The following ATP13A4 variants were observed in gnomAD, a reference collection of about 807,000 sequenced individuals.
ATP13A4 encodes ATPase 13A4, also known as probable cation-transporting ATPase 13A4.
ATP13A4 carries 114 observed loss-of-function variants against 142.5 expected under a neutral mutation model. The ratio of observed to expected loss-of-function variants is 0.80; its 90% confidence interval spans 0.69 to 0.93. The LOEUF is 0.93. Among genes scored for constraint, ATP13A4 ranks in the 40% least tolerant of loss-of-function variants. The pLI, the probability that ATP13A4 is intolerant of heterozygous loss-of-function variation, is 0.00. For missense variants in ATP13A4, 1,392 were observed against 1,454.0 expected (o/e 0.96, Z 0.69); for synonymous variants, 488 against 514.8 (o/e 0.95, Z 0.70).
intron 1 of ATP13A4, among the ~76,000 whole-genome samples, chr3:193,544,689 T>C (rs1478603343): frequency 2.0e-5 from 3 of 152,208 alleles, no homozygotes; most frequent in Admixed American, 1.3e-4. Flanking sequence ...TTAAGACTTA[T>C]ACAAAAAGGG....
intron 1 of ATP13A4, among the ~76,000 whole-genome samples, chr3:193,530,166 T>C (rs1252892783): frequency 6.6e-6 from 1 of 152,242 alleles, no homozygotes; most frequent in Non-Finnish European, 1.5e-5. Flanking sequence ...GCTTGCCCTA[T>C]GCTTTCTCAC....
At chr3:193,411,724 T>G (rs1323269504) in intron 27 of ATP13A4, among the ~76,000 whole-genome samples, 1 of 152,186 alleles carries the variant, frequency 6.6e-6, no homozygotes, top group Non-Finnish European at 1.5e-5. Context: ...AGAGCCTCCA[T>G]AACCCTCTCT....
chr3:193,584,463 G>A (rs1348446904), intron 1 of ATP13A4, among the ~76,000 whole-genome samples: 1 of 152,064 alleles, frequency 6.6e-6, no homozygotes, highest in Non-Finnish European at 1.5e-5. Flanking sequence ...ACTAATTTGG[G>A]GTAATTTGTT....
upstream of ATP13A4, among the ~76,000 whole-genome samples, chr3:193,556,762 C>G (rs952329852): frequency 6.6e-6 from 1 of 151,780 alleles, no homozygotes; most frequent in African/African-American, 2.4e-5. Context: ...AGAGATATAA[C>G]AAATTTAAAA....
At chr3:193,436,614 A>T (rs1560185084) in intron 23 of ATP13A4, among the ~76,000 whole-genome samples, 2 of 150,402 alleles carry the variant, frequency 1.3e-5, no homozygotes, top group African/African-American at 4.9e-5. Flanking sequence ...GGTCTAGCTA[A>T]TTTTTTTTTG....
intron 9 of ATP13A4, among the ~76,000 whole-genome samples, chr3:193,470,407 T>A (rs980282434): frequency 2.0e-5 from 3 of 152,202 alleles, no homozygotes; most frequent in Non-Finnish European, 4.4e-5. Flanking sequence ...TCTTAACATT[T>A]TCAAGCCAGG....
intron 1 of ATP13A4, among the ~76,000 whole-genome samples, chr3:193,547,927 AGAAGCTATTT>A: frequency 6.6e-6 from 1 of 152,374 alleles, no homozygotes. Flanking sequence ...GCTTGAAAAC[AGAAGCTATTT>A]GCTATTCTTT....
chr3:193,457,058 T>C lies in ATP13A4; in HGVS notation c.1857A>G (p.Arg619=). 6.2e-7 allele frequency: 1 copy of C among 1,614,164 alleles called. No individual in the cohort carries two copies. Among genetic ancestry groups the C allele is most frequent in the Non-Finnish European group, 8.5e-7 (1 of 1,180,046 alleles). The change falls in exon 16 of 30, where the codon CGA becomes CGG. Residue 619 remains arginine (R), a synonymous_variant. Transcript: ENST00000342695. The stretch of plus-strand genomic sequence containing the variant: ...CTGGTGCACCTTTCATGAATGCCAG[T>C]CGGTCACCTCCCATCTCTTGGACAA... The part of the protein sequence containing the change: ...TVIVQEMGGD[R]LAFMKGAPER...
chr3:193,467,417 C>G lies in ATP13A4; in HGVS notation c.1013G>C (p.Ser338Thr). The change falls in exon 10 of 30, where the codon AGT (serine) becomes ACT (threonine). Residue 338 changes from serine to threonine, a missense_variant. Transcript: ENST00000342695. Reference sequence around the variant, plus strand: ...GACATGCCGCTTGTAATCCGCTTCACTCTGTGTTTTCCAGGGCACAGAGCT... The same window carrying G: ...GACATGCCGCTTGTAATCCGCTTCAGTCTGTGTTTTCCAGGGCACAGAGCT... ...MDSSVPWKTQ[S>T]EADYKRHVLF... 4 of 1,614,070 alleles carry G rather than the reference C, an allele frequency of 2.5e-6. No homozygotes were observed. The highest frequency in any genetic ancestry group is 3.4e-6 in the Non-Finnish European group (4 of 1,180,004).
intron 17 of ATP13A4, among the ~76,000 whole-genome samples, chr3:193,449,687 A>G (rs937778033): frequency 2.6e-5 from 4 of 152,204 alleles, no homozygotes; most frequent in African/African-American, 9.7e-5. Context: ...CCATCTCTAG[A>G]CATTTGCTTT....
intron 18 of ATP13A4, among the ~76,000 whole-genome samples, chr3:193,442,772 T>C (rs148237834): frequency 7.8e-4 from 119 of 152,336 alleles, no homozygotes; most frequent in Non-Finnish European, 1.2e-3. Flanking sequence ...TACCAGTGTA[T>C]TTTTGCCAGA....
At chr3:193,501,580 C>T (rs1720542408) in intron 3 of ATP13A4, among the ~76,000 whole-genome samples, 1 of 143,396 alleles carries the variant, frequency 7.0e-6, no homozygotes. Flanking sequence ...AAGAGTGAAA[C>T]TCCATTTAAA....
rs1717684184 is a variant in ATP13A4 at position 193,457,372 on chromosome 3, G to A, written c.1761+7C>T. ...GTGTTGTGGGGTGAAGAGCAAGCAG[G>A]GCTTACCTGGCTGGCTGTTCTGCAG... On this transcript the variant is annotated splice_region_variant and intron_variant, in intron 15 of 29. Transcript: ENST00000342695. 1.9e-6 allele frequency: 3 copies of A among 1,613,840 alleles called. No homozygotes were observed. The highest frequency in any genetic ancestry group is 1.3e-5 in the African/African-American group (1 of 74,932).
chr3:193,431,772 T>C (rs1261976500), intron 25 of ATP13A4, among the ~76,000 whole-genome samples: 1 of 149,936 alleles, frequency 6.7e-6, no homozygotes, highest in Non-Finnish European at 1.5e-5. Flanking sequence ...TATATATATA[T>C]GTTTCCATTA....
At chr3:193,403,345 G>A (rs1576926635) in intron 29 of ATP13A4, among the ~76,000 whole-genome samples, 1 of 152,120 alleles carries the variant, frequency 6.6e-6, no homozygotes, top group African/African-American at 2.4e-5. Context: ...TTTCACACGG[G>A]CCAGTCTTGG....
chr3:193,503,037 CA>C lies in ATP13A4; in HGVS notation c.235-399del, dbSNP rs550345214. 3.1e-3 allele frequency among the ~76,000 whole-genome samples: 464 copies of C among 149,244 alleles called. 3 individuals are homozygous for C. Among genetic ancestry groups the C allele is most frequent in the Non-Finnish European group, 5.2e-3 (352 of 67,964 alleles). ...TTAACACCCTTCCACCGGGGCGGGG[CA>C]GGGGGGGGAACTATCACTTTGTTAA... On this transcript the variant is annotated intron_variant, in intron 2 of 29. Transcript: ENST00000342695.
chr3:193,568,754 T>TA (rs1248101423), intron 2 of ATP13A4, among the ~76,000 whole-genome samples: 1 of 152,000 alleles, frequency 6.6e-6, no homozygotes, highest in Non-Finnish European at 1.5e-5. Context: ...AAAAAGTGCT[T>TA]AAAAAAATTA....
rs1366447008 is a variant in ATP13A4 at position 193,483,950 on chromosome 3, A to G, written c.794T>C (p.Val265Ala). 5 of 1,604,044 alleles carry G rather than the reference A, an allele frequency of 3.1e-6. No individual in the cohort carries two copies. The South Asian group carries it at 5.5e-5, about 18-fold the overall frequency. The change falls in exon 8 of 30, where the codon GTA becomes GCA. Residue 265 changes from valine (V) to alanine (A), a missense_variant. Transcript: ENST00000342695. ...VESHNSITVS[V>A]CGRKAGVQEL... ...ATGGAACTTACCTTTTCTCCCACAT[A>G]CAGAGACCGTAATGCTATTATGTGA... is the stretch of plus-strand genomic sequence containing the variant.
chr3:193,591,470 G>A (rs954438259), intron 1 of ATP13A4, among the ~76,000 whole-genome samples: 1 of 152,234 alleles, frequency 6.6e-6, no homozygotes, highest in Non-Finnish European at 1.5e-5. Flanking sequence ...GCAACACTAT[G>A]TATCTATGGG....
Sources: allele counts gnomAD v4.1 joint callset (sites outside exome capture counted in the v4.1 genomes callset), GRCh38; gene constraint gnomAD v4.1.1; transcripts MANE v1.5; gene names NCBI Gene and HGNC (gene_info 2026-07-23, HGNC 2026-07-21).